Variants in SRRM1 observed in about 807,000 individuals in gnomAD.
SRRM1 encodes serine/arginine repetitive matrix protein 1.
SRRM1 carries 19 observed loss-of-function variants against 110.2 expected under a neutral mutation model. That is an observed-to-expected ratio of 0.17 (90% CI 0.12 to 0.25). The LOEUF is 0.25. Ranked by LOEUF, SRRM1 falls within the 10% of genes least tolerant of loss-of-function variation. The probability of loss-of-function intolerance (pLI) is 1.00; values close to 1 mark genes in which losing one functional copy is unlikely to be tolerated. For missense variants in SRRM1, 918 were observed against 1,145.8 expected (o/e 0.80, Z 2.87); for synonymous variants, 443 against 414.9 (o/e 1.07, Z -0.82).
intron 1 of SRRM1, 92 bp downstream of exon 1, chr1:24,643,439 G>C (rs1302437064): frequency 2.6e-6 from 3 of 1,154,720 alleles, no homozygotes; most frequent in East Asian, 6.1e-5. Flanking sequence ...TGGCCAGCGA[G>C]GGGAGCTTCG....
At chr1:24,671,283 T>G in intron 15 of SRRM1, 103 bp from the exon 16 acceptor site, 10 of 1,236,288 alleles carry the variant, frequency 8.1e-6, no homozygotes, top group South Asian at 1.5e-5. Flanking sequence ...TCGGAAATCT[T>G]GAGATTTGTC....
Position 24,654,965 on chromosome 1 carries a change from A to G in SRRM1, c.1151A>G (p.Lys384Arg). The change falls in exon 9 of 17, where the codon AAA becomes AGA. Residue 384 changes from lysine (K) to arginine (R), a missense_variant. By Grantham distance (26) the Lys-to-Arg change is conservative. Around this residue, in one of 5 missense-constraint regions of SRRM1, gnomAD observed 456 missense variants for 453.5 expected, o/e 1.01. Coordinates refer to ENST00000323848, the MANE Select transcript of SRRM1 (RefSeq NM_005839.4). ...PPKRTSSPPR[K>R]TRRLSPSASP... ...AAGAGGACATCCAGCCCCCCTCGGA[A>G]AACTCGTAGGTTATCTCCTTCAGCA... 6.2e-7 allele frequency: 1 copy of G among 1,614,168 alleles called. No individual in the cohort carries two copies. Among genetic ancestry groups the G allele is most frequent in the Non-Finnish European group, 8.5e-7 (1 of 1,180,026 alleles).
At position 24,661,331 on chromosome 1, in the gene SRRM1, T is replaced by C. The variant is rs141910258; in HGVS notation, c.1418T>C (p.Met473Thr). 6.1e-5 allele frequency: 98 copies of C among 1,612,996 alleles called. No homozygotes were observed. The highest frequency in any genetic ancestry group is 7.7e-5 in the South Asian group (7 of 90,954). Residue 473 changes from methionine (M) to threonine (T), a missense_variant, in exon 11 of 17, where the codon ATG (methionine) becomes ACG (threonine). By Grantham distance (81) the Met-to-Thr change is moderately conservative. This residue lies in a region of SRRM1 where 456 missense variants were observed against 453.5 expected (regional missense o/e 1.01). Coordinates refer to ENST00000323848, the MANE Select transcript of SRRM1 (RefSeq NM_005839.4). ...TCAGAAGAAGATAAAGGTGGCAAAA[T>C]GGCTGCAGCAGATTCTGTGCAGCAG... The part of the protein sequence containing the change: ...SESEEDKGGK[M>T]AAADSVQQRR...
At chr1:24,654,175 T>C (rs879291934) in intron 8 of SRRM1, 9 of 550,480 alleles carry the variant, frequency 1.6e-5, no homozygotes, top group Non-Finnish European at 2.4e-5. Flanking sequence ...TTTCTTATAC[T>C]GGAGTTTTGC....
chr1:24,669,119 C>T lies in SRRM1; in HGVS notation c.1740-4C>T, dbSNP rs749797669. On this transcript the variant is annotated splice_polypyrimidine_tract_variant and splice_region_variant and intron_variant, in intron 13 of 16. Transcript: ENST00000323848. ...TTCAGCTTAATTATGTATCTTTTTCCTAGGACTCCTTCTCCTCCCCCACGT... is the reference window on the plus strand; with the variant it reads ...TTCAGCTTAATTATGTATCTTTTTCTTAGGACTCCTTCTCCTCCCCCACGT... The T allele has an allele frequency of 1.2e-5, 20 of 1,601,236 alleles. No homozygotes were observed. The highest frequency in any genetic ancestry group is 5.5e-5 in the South Asian group (5 of 90,326).
chr1:24,663,104 A>G, intron 12 of SRRM1: 1 of 1,309,790 alleles, frequency 7.6e-7, no homozygotes, highest in South Asian at 1.5e-5. Context: ...AAATGTCTCC[A>G]TTAATGGTAC....
At chr1:24,665,154 C>T (rs949106596) in intron 12 of SRRM1, among the ~76,000 whole-genome samples, 1 of 151,950 alleles carries the variant, frequency 6.6e-6, no homozygotes, top group South Asian at 2.1e-4. Flanking sequence ...AGGCCGGGTG[C>T]GGTGGCTCAT....
chr1:24,660,819 T>G lies in SRRM1; in HGVS notation c.1396+20T>G, dbSNP rs200993103. On this transcript the variant is annotated intron_variant, in intron 10 of 16. Coordinates refer to ENST00000323848, the MANE Select transcript of SRRM1 (RefSeq NM_005839.4). ...AATCGGGTAAGTTTGTTGTTTTTTT[T>G]TGTGATTTTGGTTTGTTTGTTTTTG... The G allele has an allele frequency of 3.6e-5, 56 of 1,544,368 alleles. No individual in the cohort carries two copies. In the Admixed American group the frequency reaches 6.4e-4, roughly 18 times the overall value.
rs1475115249 is a variant in SRRM1, at chr1:24,671,373, T to C, written c.2401-13T>C. 1.3e-6 allele frequency: 2 copies of C among 1,586,058 alleles called. No homozygotes were observed. The highest frequency in any genetic ancestry group is 1.7e-6 in the Non-Finnish European group (2 of 1,171,150). ...GATTATAAATGCTGGGTGTTGTTTT[T>C]TTTTCTTCCTAGAATTCAGATCAGG... is the stretch of plus-strand genomic sequence containing the variant. On this transcript the variant is annotated splice_polypyrimidine_tract_variant and intron_variant, in intron 15 of 16. Coordinates refer to ENST00000323848, the MANE Select transcript of SRRM1 (RefSeq NM_005839.4).
Position 24,658,807 on chromosome 1 carries a change from A to G in SRRM1, c.1316-1912A>G, listed in dbSNP as rs1156311585. Among the ~76,000 whole-genome samples the G allele has an allele frequency of 2.0e-5, 3 of 152,198 alleles. No homozygotes were observed. The South Asian group carries it at 6.2e-4, about 31-fold the overall frequency. On this transcript the variant is annotated intron_variant, in intron 9 of 16. Transcript: ENST00000323848. The stretch of plus-strand genomic sequence containing the variant: ...ATATAAGTATTAAGTATAGTTTGCT[A>G]TTTGCACTGTCATGATTCCTGATAT...
intron 9 of SRRM1, among the ~76,000 whole-genome samples, chr1:24,655,762 C>T (rs893274709): frequency 2.6e-5 from 4 of 152,044 alleles, no homozygotes; most frequent in East Asian, 1.9e-4. Context: ...GCATTAAATA[C>T]GCATGGAAAA....
intron 6 of SRRM1, among the ~76,000 whole-genome samples, chr1:24,651,906 G>A (rs1400298374): frequency 6.6e-6 from 1 of 150,812 alleles, no homozygotes; most frequent in African/African-American, 2.4e-5. Context: ...GTATGTGGTT[G>A]CCAGATGCGG....
chr1:24,667,880 C>G (rs1203941592), intron 13 of SRRM1, among the ~76,000 whole-genome samples: 1 of 149,320 alleles, frequency 6.7e-6, no homozygotes, highest in East Asian at 2.0e-4. Flanking sequence ...TTCTTTACAA[C>G]TATTTTAAAG....
chr1:24,645,072 A>G (rs1656596473), intron 1 of SRRM1, among the ~76,000 whole-genome samples: 1 of 152,232 alleles, frequency 6.6e-6, no homozygotes, highest in African/African-American at 2.4e-5. Flanking sequence ...TATATCTTCC[A>G]TTCAATGAAC....
chr1:24,664,745 G>A (rs1669027995), intron 12 of SRRM1, among the ~76,000 whole-genome samples: 1 of 152,176 alleles, frequency 6.6e-6, no homozygotes, highest in Admixed American at 6.5e-5. Flanking sequence ...AAAAAGATTA[G>A]TTTGGCTGCT....
At chr1:24,643,599 G>A (rs1466169615) in intron 1 of SRRM1, 1 of 417,114 alleles carries the variant, frequency 2.4e-6, no homozygotes, top group Non-Finnish European at 4.2e-6. Context: ...GGCGGGAATG[G>A]GCCGGGATGG....
rs1239262463 is a variant in SRRM1, at chr1:24,651,501, C to A, written c.614C>A (p.Thr205Asn). 3 of 1,614,152 alleles carry A rather than the reference C, an allele frequency of 1.9e-6. No individual in the cohort carries two copies. ...RSHSRSPRHR[T>N]KSRSPSPAPE... Reference sequence around the variant, plus strand: ...CATTCTCGATCTCCCCGTCACAGAACCAAGAGCCGGAGTCCTTCCCCTGCT... The same window carrying A: ...CATTCTCGATCTCCCCGTCACAGAAACAAGAGCCGGAGTCCTTCCCCTGCT... The change falls in exon 6 of 17, where the codon ACC becomes AAC. Residue 205 changes from threonine (T) to asparagine (N), a missense_variant. Thr to Asn is a moderately conservative substitution (Grantham distance 65). Around this residue, in one of 5 missense-constraint regions of SRRM1, gnomAD observed 456 missense variants for 453.5 expected, o/e 1.01. Coordinates refer to ENST00000323848, the MANE Select transcript of SRRM1 (RefSeq NM_005839.4).
At chr1:24,646,242 T>C (rs1406365706) in intron 2 of SRRM1, among the ~76,000 whole-genome samples, 169 bp downstream of exon 2, 2 of 152,160 alleles carry the variant, frequency 1.3e-5, no homozygotes, top group Admixed American at 6.6e-5. Context: ...AATTAGCAGA[T>C]TGTGGCTGGG....
chr1:24,655,492 ATATCT>A (rs1479497822), intron 9 of SRRM1, among the ~76,000 whole-genome samples: 1 of 152,098 alleles, frequency 6.6e-6, no homozygotes. Context: ...TTTTGGTTTG[ATATCT>A]TAAATAAGAG....
Sources: allele counts gnomAD v4.1 joint callset (sites outside exome capture counted in the v4.1 genomes callset), GRCh38; gene constraint gnomAD v4.1.1; regional missense constraint gnomAD v4.1.1; transcripts MANE v1.5; gene names NCBI Gene and HGNC (gene_info 2026-07-23, HGNC 2026-07-21).